The following CROCC2 variants were observed in gnomAD, a reference collection of about 807,000 sequenced individuals.
CROCC2 encodes the protein ciliary rootlet coiled-coil, rootletin family member 2, also known as ciliary rootlet coiled-coil protein 2.
A neutral mutation model predicts 177.6 loss-of-function variants in CROCC2; 163 were observed. The ratio of observed to expected loss-of-function variants is 0.92; its 90% confidence interval spans 0.81 to 1.05. The LOEUF is 1.05. Ranked by LOEUF, CROCC2 falls within the 50% of genes least tolerant of loss-of-function variation. The probability of loss-of-function intolerance (pLI) is 0.00; values close to 1 mark genes in which losing one functional copy is unlikely to be tolerated. For synonymous variants in CROCC2, 904 were observed against 787.3 expected (o/e 1.15, Z -2.48); for missense variants, 1,929 against 1,797.8 (o/e 1.07, Z -1.32).
At chr2:240,971,263 C>G (rs2059718839) in intron 27 of CROCC2, among the ~76,000 whole-genome samples, 1 of 152,234 alleles carries the variant, frequency 6.6e-6, no homozygotes, top group Non-Finnish European at 1.5e-5. Flanking sequence ...TCCACAAAGT[C>G]CCCTGGCCAT....
Position 240,965,709 on chromosome 2 carries a change from AC to A in CROCC2, c.3679del (p.Leu1227SerfsTer166), listed in dbSNP as rs1428769165. On this transcript the variant is annotated frameshift_variant, in exon 24 of 32. Transcript: ENST00000690015. LOFTEE classifies it high-confidence loss of function. ...GEAHGQRLQE[H>X]LRESRGAEQT... ...GCCCATGGACAGCGGCTCCAGGAGC[AC>A]CTCCGTGAGAGCCGGGGGGCTGAGC... 1.9e-6 allele frequency: 3 copies of A among 1,548,542 alleles called. No homozygotes were observed.
At chr2:240,975,708 CAA>C (rs2059756150) in intron 27 of CROCC2, among the ~76,000 whole-genome samples, 2 of 147,888 alleles carry the variant, frequency 1.4e-5, no homozygotes, top group Non-Finnish European at 1.5e-5. Context: ...ATCCAGCATC[CAA>C]CCAGCCTGCT....
At chr2:240,962,006 TCACCCACA>T (rs767546175) in intron 20 of CROCC2, among the ~76,000 whole-genome samples, 12 of 65,294 alleles carry the variant, frequency 1.8e-4, no homozygotes, top group South Asian at 1.8e-3. Flanking sequence ...CACACACTCA[TCACCCACA>T]CACACACACA....
chr2:240,971,801 G>C (rs769620580), intron 27 of CROCC2, among the ~76,000 whole-genome samples: 3 of 151,882 alleles, frequency 2.0e-5, no homozygotes, highest in Non-Finnish European at 2.9e-5. Context: ...TGTCCTCCTG[G>C]CTTCAATCTT....
intron 27 of CROCC2, among the ~76,000 whole-genome samples, chr2:240,975,781 G>A (rs1231793122): frequency 7.0e-6 from 1 of 143,532 alleles, no homozygotes; most frequent in African/African-American, 2.6e-5. Flanking sequence ...CCAGGCTGGA[G>A]TGCAGTGGCA....
intron 1 of CROCC2, among the ~76,000 whole-genome samples, chr2:240,907,151 G>A (rs1002046986): frequency 6.6e-5 from 10 of 152,182 alleles, no homozygotes; most frequent in Non-Finnish European, 7.4e-5. Context: ...AGGGCCTCTC[G>A]GGGGACAGTG....
At position 240,949,965 on chromosome 2, in the gene CROCC2, G is replaced by C. The variant is rs1002787889; in HGVS notation, c.2652+263G>C. ...GGCTGGAAGGGCTGCTGGCTGGTCT[G>C]GTGCAGTCTGAAGGATGAGGGCTGG... On this transcript the variant is annotated intron_variant, in intron 17 of 31. Transcript: ENST00000690015. This position sits in a 1 kb window ranked among gnomAD's most constrained non-coding sequence, Gnocchi z 4.5. Among the ~76,000 whole-genome samples the C allele has an allele frequency of 7.2e-4, 110 of 152,276 alleles. No homozygotes were observed. Among genetic ancestry groups the C allele is most frequent in the African/African-American group, 2.5e-3 (104 of 41,550 alleles).
Position 240,975,620 on chromosome 2 carries a change from C to G in CROCC2, c.4402-7260C>G, listed in dbSNP as rs943227159. 5.3e-5 allele frequency among the ~76,000 whole-genome samples: 8 copies of G among 151,672 alleles called. No individual in the cohort carries two copies. In the South Asian group the frequency reaches 1.0e-3, roughly 20 times the overall value. Reference sequence around the variant, plus strand: ...GGCCTTTGTCCCTTCTGCTCCTGTTCAGATATTTCCCAGCCTTCGCTCCCA... The same window carrying G: ...GGCCTTTGTCCCTTCTGCTCCTGTTGAGATATTTCCCAGCCTTCGCTCCCA... On this transcript the variant is annotated intron_variant, in intron 27 of 31. Transcript: ENST00000690015.
chr2:240,984,364 A>T (rs538457194), intron 28 of CROCC2, among the ~76,000 whole-genome samples: 3 of 152,124 alleles, frequency 2.0e-5, no homozygotes, highest in South Asian at 4.1e-4. Flanking sequence ...GTCGACTGAT[A>T]GGGAAACAGC....
At chr2:240,951,184 CATCT>C (rs1217277527) in intron 18 of CROCC2, among the ~76,000 whole-genome samples, 5 of 151,800 alleles carry the variant, frequency 3.3e-5, no homozygotes, top group Admixed American at 1.3e-4. Flanking sequence ...TTCATCCATC[CATCT>C]GTCCATCCAT....
chr2:240,968,064 G>T, intron 26 of CROCC2, 65 bp from the exon 27 acceptor site: 1 of 1,367,830 alleles, frequency 7.3e-7, no homozygotes, highest in Non-Finnish European at 9.4e-7. Context: ...ACAGAGCCCT[G>T]CATTGCCTGC....
intron 15 of CROCC2, 55 bp downstream of exon 15, chr2:240,946,308 G>A: frequency 6.9e-7 from 1 of 1,456,012 alleles, no homozygotes; most frequent in South Asian, 1.4e-5. Flanking sequence ...CCCACAGAGA[G>A]TCTGCAGTGT....
Position 240,972,782 on chromosome 2 carries a change from C to G in CROCC2, c.4401+4520C>G, listed in dbSNP as rs941442947. On this transcript the variant is annotated intron_variant, in intron 27 of 31. Transcript: ENST00000690015. The surrounding 1 kb of genome is among the most constrained non-coding windows in gnomAD (Gnocchi z 7.1). ...GGTCTCATCTGCCCTCGGGAGTCCT[C>G]CAAGTCCCTGGTCTCCAGCTCTGAG... Among the ~76,000 whole-genome samples the G allele has an allele frequency of 2.0e-5, 3 of 152,098 alleles. No individual in the cohort carries two copies. The highest frequency in any genetic ancestry group is 2.9e-5 in the Non-Finnish European group (2 of 68,022).
Position 240,949,202 on chromosome 2 carries a change from C to T in CROCC2, c.2482+105C>T. The T allele has an allele frequency of 2.1e-6, 3 of 1,442,274 alleles. No individual in the cohort carries two copies. The highest frequency in any genetic ancestry group is 2.7e-6 in the Non-Finnish European group (3 of 1,102,746). The allele number at this position is 1,442,274 out of a possible 1,614,324, so 89.3% of individuals were successfully genotyped here. A position where few individuals can be genotyped will look rare whatever the true frequency, so the allele number is the denominator to read the frequency against. On this transcript the variant is annotated intron_variant, in intron 16 of 31. Transcript: ENST00000690015. This position sits in a 1 kb window ranked among gnomAD's most constrained non-coding sequence, Gnocchi z 4.5. Reference sequence around the variant, plus strand: ...ACGTGCTGCACCCCCTCTCCGGAGCCCACAGGGGCATGAACATGAGCTTGG... The same window carrying T: ...ACGTGCTGCACCCCCTCTCCGGAGCTCACAGGGGCATGAACATGAGCTTGG...
chr2:240,913,604 C>T (rs1559587309), intron 1 of CROCC2, among the ~76,000 whole-genome samples: 2 of 152,304 alleles, frequency 1.3e-5, no homozygotes, highest in Admixed American at 6.5e-5. Flanking sequence ...AGTGCCTAGC[C>T]GGCCGGGGTC....
Position 240,972,166 on chromosome 2 carries a change from G to C in CROCC2, c.4401+3904G>C, listed in dbSNP as rs115948844. On this transcript the variant is annotated intron_variant, in intron 27 of 31. Coordinates refer to ENST00000690015, the MANE Select transcript of CROCC2 (RefSeq NM_001351305.2). The surrounding 1 kb of genome is among the most constrained non-coding windows in gnomAD (Gnocchi z 7.1). ...CTTTAAAGAAAGGAGTTCTGGCCTC[G>C]TTTGAAGTTGGGAGTGGAGAGGAAC... Among the ~76,000 whole-genome samples the C allele has an allele frequency of 0.013, 2,028 of 152,260 alleles. 47 individuals are homozygous for C. Among genetic ancestry groups the C allele is most frequent in the African/African-American group, 0.046 (1,900 of 41,526 alleles).
Position 240,931,135 on chromosome 2 carries a change from G to T in CROCC2, c.947+7G>T. The T allele has an allele frequency of 2.8e-6, 2 of 707,454 alleles. No homozygotes were observed. The highest frequency in any genetic ancestry group is 1.5e-5 in the South Asian group (1 of 67,044). 43.8% of individuals were successfully genotyped at this position (707,454 alleles called of 1,614,324 possible). A position where few individuals can be genotyped will look rare whatever the true frequency, so the allele number is the denominator to read the frequency against. Reference sequence around the variant, plus strand: ...AGGTGGCGCTCCAGGCCAGGTGGGCGCCCAGGGCCAGCAAGCTTGCACAGG... The same window carrying T: ...AGGTGGCGCTCCAGGCCAGGTGGGCTCCCAGGGCCAGCAAGCTTGCACAGG... On this transcript the variant is annotated splice_region_variant and intron_variant, in intron 7 of 31. Transcript: ENST00000690015.
intron 27 of CROCC2, among the ~76,000 whole-genome samples, chr2:240,974,347 CTTT>C (rs57051056): frequency 3.1e-5 from 4 of 127,066 alleles, no homozygotes; most frequent in African/African-American, 5.8e-5. Flanking sequence ...TTTTAGTTTA[CTTT>C]TTTTTTTTTT....
chr2:240,920,661 G>A (rs866850707), intron 3 of CROCC2, among the ~76,000 whole-genome samples: 1 of 152,258 alleles, frequency 6.6e-6, no homozygotes, highest in South Asian at 2.1e-4. Flanking sequence ...GAGGAGAGGG[G>A]ACAGAGGCAG....
Sources: allele counts gnomAD v4.1 joint callset (sites outside exome capture counted in the v4.1 genomes callset), GRCh38; gene constraint gnomAD v4.1.1; non-coding constraint Gnocchi (gnomAD v3.1); transcripts MANE v1.5; gene names NCBI Gene and HGNC (gene_info 2026-07-23, HGNC 2026-07-21).